Variants in MGAT4C observed in about 807,000 individuals in gnomAD.
MGAT4C encodes the protein alpha-1,3-mannosyl-glycoprotein 4-beta-N-acetylglucosaminyltransferase C.
Under a neutral mutation model 40.1 loss-of-function variants are expected in MGAT4C, and 19 were observed. That is an observed-to-expected ratio of 0.47 (90% CI 0.33 to 0.70). The LOEUF (loss-of-function observed/expected upper bound fraction) is 0.70. Ranked by LOEUF, MGAT4C falls within the 30% of genes least tolerant of loss-of-function variation. The pLI is 0.02. For synonymous variants in MGAT4C, 181 were observed against 187.1 expected (o/e 0.97, Z 0.27); for missense variants, 491 against 563.2 (o/e 0.87, Z 1.30).
chr12:86,782,825 G>A (rs549239996), intron 1 of MGAT4C, among the ~76,000 whole-genome samples: 2 of 152,158 alleles, frequency 1.3e-5, no homozygotes, highest in Admixed American at 1.3e-4. Flanking sequence ...GGATATCTGC[G>A]TATGTACAAG....
chr12:86,688,519 G>A (rs1328302663), intron 2 of MGAT4C, among the ~76,000 whole-genome samples: 1 of 152,114 alleles, frequency 6.6e-6, no homozygotes, highest in Admixed American at 6.6e-5. Flanking sequence ...TTTCTTTCAG[G>A]AGATCCTGTA....
At chr12:86,568,154 AAGG>A (rs1023305494) in intron 2 of MGAT4C, among the ~76,000 whole-genome samples, 21 of 152,070 alleles carry the variant, frequency 1.4e-4, no homozygotes, top group Non-Finnish European at 2.6e-4. Flanking sequence ...GGTGTTGCCA[AAGG>A]AGATTAACAT....
chr12:86,328,993 C>T (rs1029128671), intron 4 of MGAT4C, among the ~76,000 whole-genome samples: 2 of 151,576 alleles, frequency 1.3e-5, no homozygotes, highest in Non-Finnish European at 2.9e-5. Flanking sequence ...ATCCCAGCTA[C>T]TTGGGAAGCT....
chr12:86,752,267 C>G (rs1269804733), intron 1 of MGAT4C, among the ~76,000 whole-genome samples: 1 of 151,984 alleles, frequency 6.6e-6, no homozygotes, highest in East Asian at 1.9e-4. Flanking sequence ...CAGTTAGTGA[C>G]ATTTAGTCTC....
intron 2 of MGAT4C, among the ~76,000 whole-genome samples, chr12:86,690,351 C>T (rs764156729): frequency 3.9e-5 from 6 of 152,154 alleles, no homozygotes; most frequent in Non-Finnish European, 7.3e-5. Context: ...AATCCAGGCA[C>T]CACTGGGGTA....
At chr12:86,191,120 CACACACACACACA>C (rs1566117936) in intron 1 of MGAT4C, among the ~76,000 whole-genome samples, 10 of 147,268 alleles carry the variant, frequency 6.8e-5, no homozygotes, top group African/African-American at 2.4e-4. Flanking sequence ...CACACACACA[CACACACACACACA>C]CCCCTATAGG....
At chr12:86,759,200 G>A (rs1403648685) in intron 1 of MGAT4C, among the ~76,000 whole-genome samples, 1 of 152,002 alleles carries the variant, frequency 6.6e-6, no homozygotes, top group East Asian at 1.9e-4. Flanking sequence ...CATTCATGAT[G>A]CTGCAACTGT....
rs184600142 is a variant in MGAT4C, at chr12:86,202,512, T to C, written c.-57+53727A>G. Among the ~76,000 whole-genome samples the C allele has an allele frequency of 2.1e-3, 321 of 152,210 alleles. 1 individual carries two copies. The highest frequency in any genetic ancestry group is 7.3e-3 in the African/African-American group (305 of 41,582). Reference sequence around the variant, plus strand: ...AAATATTTTCTTTAAAATATTTTTATCTTTGTGTGTTTCACTGAATTTCTA... The same window carrying C: ...AAATATTTTCTTTAAAATATTTTTACCTTTGTGTGTTTCACTGAATTTCTA... On this transcript the variant is annotated intron_variant, in intron 1 of 4. Transcript: ENST00000611864.
chr12:86,163,739 C>T (rs1300808216), intron 1 of MGAT4C, among the ~76,000 whole-genome samples: 2 of 152,212 alleles, frequency 1.3e-5, no homozygotes, highest in East Asian at 1.9e-4. Context: ...CATTTTTGAA[C>T]TACATGGAAT....
intron 2 of MGAT4C, among the ~76,000 whole-genome samples, chr12:86,699,333 G>C (rs938420849): frequency 6.6e-6 from 1 of 152,146 alleles, no homozygotes; most frequent in Non-Finnish European, 1.5e-5. Flanking sequence ...TGCTGTGCAA[G>C]AGACAATTAG....
intron 4 of MGAT4C, among the ~76,000 whole-genome samples, chr12:86,282,291 A>G (rs780700412): frequency 1.3e-5 from 2 of 152,098 alleles, no homozygotes; most frequent in Non-Finnish European, 2.9e-5. Flanking sequence ...ATTACTTTCA[A>G]TGATTTACAT....
At chr12:86,326,964 T>A (rs1325184190) in intron 4 of MGAT4C, among the ~76,000 whole-genome samples, 1 of 152,182 alleles carries the variant, frequency 6.6e-6, no homozygotes. Context: ...TTTATATTAC[T>A]GCTTCAAATA....
At chr12:86,294,515 C>T (rs192653879) in intron 4 of MGAT4C, among the ~76,000 whole-genome samples, 115 of 152,140 alleles carry the variant, frequency 7.6e-4, no homozygotes, top group Non-Finnish European at 9.1e-4. Flanking sequence ...TTGACTGTTC[C>T]GAAAATCAAA....
intron 1 of MGAT4C, among the ~76,000 whole-genome samples, chr12:86,141,941 C>T (rs963722837): frequency 1.3e-5 from 2 of 152,086 alleles, no homozygotes; most frequent in African/African-American, 4.8e-5. Context: ...TTGATGTCAG[C>T]ATTTTCTACC....
intron 1 of MGAT4C, among the ~76,000 whole-genome samples, chr12:86,811,433 C>T (rs1292909517): frequency 1.4e-5 from 2 of 148,064 alleles, no homozygotes; most frequent in East Asian, 4.0e-4. Context: ...ATCTCCACCT[C>T]CTACGTTAGG....
chr12:86,076,054 C>T (rs1302145032), intron 1 of MGAT4C, among the ~76,000 whole-genome samples: 1 of 152,180 alleles, frequency 6.6e-6, no homozygotes, highest in Admixed American at 6.5e-5. Context: ...AACTTTTGTG[C>T]TCTGTTTCCC....
Position 85,986,392 on chromosome 12 carries a change from G to A in MGAT4C, c.148-2722C>T, listed in dbSNP as rs542896512. On this transcript the variant is annotated intron_variant, in intron 3 of 4. Transcript: ENST00000611864. The stretch of plus-strand genomic sequence containing the variant: ...AAGATGCTCAAAGCCAAGAAGCTAA[G>A]TTGATTGGGCATGCAGTGTCTCTTC... 2.0e-5 allele frequency among the ~76,000 whole-genome samples: 3 copies of A among 152,310 alleles called. No homozygotes were observed. The South Asian group carries it at 6.2e-4, about 32-fold the overall frequency.
Position 85,969,471 on chromosome 12 carries a change from A to G in MGAT4C, c.*9818T>C, listed in dbSNP as rs1883514423. The G allele has an allele frequency of 6.6e-6, 1 of 151,702 alleles. No individual in the cohort carries two copies. The highest frequency in any genetic ancestry group is 1.5e-5 in the Non-Finnish European group (1 of 67,702). The allele number at this position is 151,702 out of a possible 1,614,324, so 9.4% of individuals were successfully genotyped here. A position where few individuals can be genotyped will look rare whatever the true frequency, so the allele number is the denominator to read the frequency against. On this transcript the variant is annotated 3_prime_UTR_variant, in exon 5 of 5. Coordinates refer to ENST00000611864, the MANE Select transcript of MGAT4C (RefSeq NM_001351288.2). Reference sequence around the variant, plus strand: ...ATTTTTGGAGTCTTTTAGTGTACCCAGAGCCCATGAGTTTTTATTTTCTTT... The same window carrying G: ...ATTTTTGGAGTCTTTTAGTGTACCCGGAGCCCATGAGTTTTTATTTTCTTT...
chr12:86,506,818 T>C (rs766894666), intron 2 of MGAT4C, among the ~76,000 whole-genome samples: 1 of 152,186 alleles, frequency 6.6e-6, no homozygotes, highest in Admixed American at 6.6e-5. Context: ...CGTTCAAAGA[T>C]GGCTGTATGA....
Sources: allele counts gnomAD v4.1 joint callset (sites outside exome capture counted in the v4.1 genomes callset), GRCh38; gene constraint gnomAD v4.1.1; transcripts MANE v1.5; gene names NCBI Gene and HGNC (gene_info 2026-07-23, HGNC 2026-07-21).